The following RGS6 variants were observed in gnomAD, a reference collection of about 807,000 sequenced individuals.
The protein encoded by RGS6 is regulator of G protein signaling 6, also known as regulator of G-protein signaling 6.
A neutral mutation model predicts 78.5 loss-of-function variants in RGS6; 30 were observed. The ratio of observed to expected loss-of-function variants is 0.38; its 90% CI spans 0.29 to 0.52. The LOEUF (loss-of-function observed/expected upper bound fraction) is 0.52, where lower values mean the gene tolerates loss of function less well. Among genes scored for constraint, RGS6 ranks in the 20% least tolerant of loss-of-function variants. RGS6 has a pLI of 0.85. For synonymous variants in RGS6, 206 were observed against 206.0 expected, an observed-to-expected ratio of 1.00 and a Z score of 0.00; for missense variants, 495 against 609.7, an observed-to-expected ratio of 0.81 and a Z score of 1.98.
intron 3 of RGS6, among the ~76,000 whole-genome samples, chr14:72,362,719 C>G (rs2081687075): frequency 6.6e-6 from 1 of 152,174 alleles, no homozygotes; most frequent in African/African-American, 2.4e-5. Flanking sequence ...GTCAAGTGTG[C>G]CACGTCACGT....
chr14:72,238,219 G>A (rs538175558), intron 2 of RGS6, among the ~76,000 whole-genome samples: 15 of 152,228 alleles, frequency 9.9e-5, no homozygotes, highest in African/African-American at 2.4e-4. Context: ...TCCTTTTCAC[G>A]TTCAGCTGCT....
At chr14:71,985,892 C>T (rs1194287035) in intron 2 of RGS6, among the ~76,000 whole-genome samples, 1 of 152,198 alleles carries the variant, frequency 6.6e-6, no homozygotes, top group East Asian at 1.9e-4. Flanking sequence ...TCTTTCTACT[C>T]CCCACAGCAT....
At chr14:71,889,445 G>A in the RGS6 span, among the ~76,000 whole-genome samples, 1 of 152,060 alleles carries the variant, frequency 6.6e-6, no homozygotes, top group Non-Finnish European at 1.5e-5. Flanking sequence ...TAAATGCAAT[G>A]GAGAGTCAGC....
chr14:72,217,964 T>C (rs2045973831), intron 2 of RGS6, among the ~76,000 whole-genome samples: 1 of 152,158 alleles, frequency 6.6e-6, no homozygotes, highest in South Asian at 2.1e-4. Context: ...AAAATGCAGC[T>C]TAAAACCCAT....
At chr14:72,149,308 C>T (rs956571603) in intron 2 of RGS6, among the ~76,000 whole-genome samples, 5 of 152,316 alleles carry the variant, frequency 3.3e-5, no homozygotes, top group African/African-American at 9.6e-5. Flanking sequence ...GTTCATTAGA[C>T]ATGGCCCAGC....
intron 13 of RGS6, among the ~76,000 whole-genome samples, chr14:72,508,408 A>T (rs2096836176): frequency 6.6e-6 from 1 of 152,144 alleles, no homozygotes; most frequent in Non-Finnish European, 1.5e-5. Context: ...CAGTCACACT[A>T]GCCAGTTTTC....
chr14:72,549,970 C>T (rs1201336556), intron 17 of RGS6, among the ~76,000 whole-genome samples: 2 of 152,158 alleles, frequency 1.3e-5, no homozygotes, highest in East Asian at 1.9e-4. Context: ...CAGCCCAGCT[C>T]AGGGAAAGGG....
At chr14:72,238,457 G>A (rs1021733904) in intron 2 of RGS6, among the ~76,000 whole-genome samples, 10 of 152,124 alleles carry the variant, frequency 6.6e-5, no homozygotes, top group African/African-American at 2.4e-4. Context: ...GAAGGTATGT[G>A]TACTTTACAT....
intron 15 of RGS6, among the ~76,000 whole-genome samples, chr14:72,533,553 G>A (rs1330140980): frequency 6.6e-6 from 1 of 152,320 alleles, no homozygotes; most frequent in South Asian, 2.1e-4. Flanking sequence ...ATGGATTTGG[G>A]CAAAGTAAAT....
intron 2 of RGS6, among the ~76,000 whole-genome samples, chr14:72,226,292 AG>A (rs1180793251): frequency 4.6e-5 from 7 of 152,220 alleles, no homozygotes; most frequent in African/African-American, 1.7e-4. Flanking sequence ...TTTTTAAAGA[AG>A]GGAGCATTTT....
intron 3 of RGS6, among the ~76,000 whole-genome samples, chr14:72,426,023 T>A (rs2094421200): frequency 6.6e-6 from 1 of 152,210 alleles, no homozygotes; most frequent in Non-Finnish European, 1.5e-5. Context: ...CTAAAGTTTT[T>A]GTTAAAATAA....
chr14:72,167,637 T>C (rs2096947303), intron 2 of RGS6, among the ~76,000 whole-genome samples: 1 of 152,200 alleles, frequency 6.6e-6, no homozygotes, highest in South Asian at 2.1e-4. Flanking sequence ...TTACCTTTCC[T>C]TACCCCACCC....
At chr14:72,403,612 C>G (rs1009281123) in intron 3 of RGS6, among the ~76,000 whole-genome samples, 1 of 152,054 alleles carries the variant, frequency 6.6e-6, no homozygotes, top group African/African-American at 2.4e-5. Flanking sequence ...ATGTTCCCAA[C>G]GTAAAGAATT....
intron 1 of RGS6, 26 bp from the exon 2 acceptor site, chr14:71,964,746 A>C: frequency 6.7e-7 from 1 of 1,492,224 alleles, no homozygotes; most frequent in Non-Finnish European, 9.2e-7. Context: ...TTCGTGACTT[A>C]ATGGTTTATT....
At chr14:72,057,682 A>T (rs780958555) in intron 2 of RGS6, among the ~76,000 whole-genome samples, 4 of 152,172 alleles carry the variant, frequency 2.6e-5, no homozygotes, top group Non-Finnish European at 2.9e-5. Flanking sequence ...ACTTGATTGC[A>T]GTGAATTTTT....
chr14:71,982,376 G>A (rs561794736), intron 2 of RGS6, among the ~76,000 whole-genome samples: 6 of 152,088 alleles, frequency 3.9e-5, no homozygotes, highest in African/African-American at 1.4e-4. Context: ...CATCATTTAC[G>A]GCTCTAGGAC....
intron 3 of RGS6, among the ~76,000 whole-genome samples, chr14:72,410,397 C>T (rs1166232775): frequency 6.6e-6 from 1 of 152,108 alleles, no homozygotes; most frequent in African/African-American, 2.4e-5. Flanking sequence ...TATCCTTTGC[C>T]CACTTGTTGA....
intron 3 of RGS6, among the ~76,000 whole-genome samples, chr14:72,412,779 T>G (rs1388861189): frequency 1.3e-5 from 2 of 151,998 alleles, no homozygotes; most frequent in Admixed American, 6.6e-5. Flanking sequence ...CTTTGTTCTC[T>G]TTGGTTTCAA....
intron 2 of RGS6, among the ~76,000 whole-genome samples, chr14:72,323,724 C>T (rs1262129545): frequency 7.4e-6 from 1 of 135,820 alleles, no homozygotes; most frequent in Non-Finnish European, 1.5e-5. Flanking sequence ...ATTGCTTGAA[C>T]CTGGGAGGCG....
Sources: allele counts gnomAD v4.1 joint callset (sites outside exome capture counted in the v4.1 genomes callset), GRCh38; gene constraint gnomAD v4.1.1; transcripts MANE v1.5; gene names NCBI Gene and HGNC (gene_info 2026-07-23, HGNC 2026-07-21).